PEAR1: variants seen among roughly 807,000 people sequenced by gnomAD.
PEAR1 encodes multiple EGF-like domains protein 12.
In PEAR1, 113 loss-of-function variants were observed where a neutral mutation model predicts 131.2. The ratio of observed to expected loss-of-function variants is 0.86; its 90% CI spans 0.74 to 1.01. PEAR1 has a LOEUF of 1.01. Among genes scored for constraint, PEAR1 ranks in the 50% least tolerant of loss-of-function variants. The pLI, the probability that PEAR1 is intolerant of heterozygous loss-of-function variation, is 0.00. For synonymous variants in PEAR1, 565 were observed against 523.3 expected (o/e 1.08, Z -1.09); for missense variants, 1,408 against 1,391.1 (o/e 1.01, Z -0.19).
At position 156,908,248 on chromosome 1, in the gene PEAR1, T is replaced by C. The variant is rs1558136758; in HGVS notation, c.1023T>C (p.Thr341=). Residue 341 remains threonine, a synonymous_variant, in exon 9 of 23, where the codon ACT becomes ACC. Transcript: ENST00000292357. The surrounding 1 kb of genome is among the most constrained non-coding windows in gnomAD (Gnocchi z 4.2). ...NGACLCEHGF[T]GDRCTDRLCP... ...CATGTCTGTGCGAACACGGCTTCAC[T>C]GGGGACCGCTGCACGGATCGCCTCT... 2 of 1,598,266 alleles carry C rather than the reference T, an allele frequency of 1.3e-6. No homozygotes were observed. Among genetic ancestry groups the C allele is most frequent in the Non-Finnish European group, 1.7e-6 (2 of 1,176,768 alleles).
Position 156,907,593 on chromosome 1 carries a change from C to A in PEAR1, c.645-17C>A. On this transcript the variant is annotated splice_polypyrimidine_tract_variant and intron_variant, in intron 6 of 22. Transcript: ENST00000292357. ...ATTGCTTGTTTGCACATTGACTCCA[C>A]CCACTCTGTCCTGCAGCTGTGACGT... The A allele has an allele frequency of 1.3e-6, 2 of 1,599,468 alleles. No homozygotes were observed. Among genetic ancestry groups the A allele is most frequent in the Non-Finnish European group, 1.7e-6 (2 of 1,172,880 alleles).
chr1:156,908,929 C>G lies in PEAR1; in HGVS notation c.1304C>G (p.Ala435Gly). 2.5e-6 allele frequency: 4 copies of G among 1,613,730 alleles called. No homozygotes were observed. The African/African-American group carries it at 5.3e-5, about 21-fold the overall frequency. Residue 435 changes from alanine (A) to glycine (G), a missense_variant, in exon 11 of 23, where the codon GCT becomes GGT. By Grantham distance (60) the Ala-to-Gly change is moderately conservative. Transcript: ENST00000292357. This position sits in a 1 kb window ranked among gnomAD's most constrained non-coding sequence, Gnocchi z 4.2. ...CAPGYTGPHC[A>G]SLCPPDTYGV... ...ACCCTCTTTCAGGGCCCTCACTGTGCTAGTCTTTGTCCTCCTGACACCTAC... is the reference window on the plus strand; with the variant it reads ...ACCCTCTTTCAGGGCCCTCACTGTGGTAGTCTTTGTCCTCCTGACACCTAC...
At chr1:156,911,107 TTTTCTTTCTTC>T (rs1182393266) in intron 15 of PEAR1, among the ~76,000 whole-genome samples, 1 of 118,714 alleles carries the variant, frequency 8.4e-6, no homozygotes, top group Non-Finnish European at 1.7e-5. Context: ...TCTTTCTTTC[TTTTCTTTCTTC>T]TTTCTTTCTT....
rs910825108 is a variant in PEAR1 at position 156,911,119 on chromosome 1, T to G, written c.1951+376T>G. On this transcript the variant is annotated intron_variant, in intron 15 of 22. Transcript: ENST00000292357. ...CTTTCTTTCTTTCTTTTCTTTCTTC[T>G]TTCTTTCTTTCCTTTCTTTCTTTTC... is the stretch of plus-strand genomic sequence containing the variant. Among the ~76,000 whole-genome samples the G allele has an allele frequency of 1.2e-4, 17 of 140,266 alleles. 1 individual carries two copies. Among genetic ancestry groups the G allele is most frequent in the African/African-American group, 4.5e-4 (16 of 35,818 alleles). The allele number at this position is 140,266 out of a possible 152,430, so 92.0% of individuals were successfully genotyped here.
Position 156,906,261 on chromosome 1 carries a change from C to G in PEAR1, c.308-15C>G, listed in dbSNP as rs751499236. Reference sequence around the variant, plus strand: ...CAGGGGTGGACACATCTCACCACACCCATCTCTGTCCCAGCGCTCTGTGCC... The same window carrying G: ...CAGGGGTGGACACATCTCACCACACGCATCTCTGTCCCAGCGCTCTGTGCC... On this transcript the variant is annotated splice_polypyrimidine_tract_variant and intron_variant, in intron 4 of 22. Coordinates refer to ENST00000292357, the MANE Select transcript of PEAR1 (RefSeq NM_001080471.3). The G allele has an allele frequency of 5.1e-5, 82 of 1,612,726 alleles. 2 individuals carry two copies. In the South Asian group the frequency reaches 8.6e-4, roughly 17 times the overall value.
chr1:156,913,158 C>A lies in PEAR1; in HGVS notation c.2423-36C>A, dbSNP rs61813832. The A allele has an allele frequency of 3.8e-5, 61 of 1,600,952 alleles. 4 individuals are homozygous for A. The South Asian group carries it at 6.8e-4, about 18-fold the overall frequency. On this transcript the variant is annotated intron_variant, in intron 18 of 22. Transcript: ENST00000292357. ...ACAGCTCTCTTGGACTCCTGCCCAT[C>A]GCTGAGCTCACCCTGTGCTTGTGTC...
intron 1 of PEAR1, among the ~76,000 whole-genome samples, chr1:156,899,045 AGTCTGAG>A (rs567669158): frequency 1.5e-3 from 235 of 152,322 alleles, no homozygotes; most frequent in African/African-American, 5.4e-3. Flanking sequence ...AGCAGGCTCT[AGTCTGAG>A]GTCTGAGGTC....
At chr1:156,901,511 T>G (rs1031129751) in intron 1 of PEAR1, among the ~76,000 whole-genome samples, 2 of 152,210 alleles carry the variant, frequency 1.3e-5, no homozygotes, top group African/African-American at 2.4e-5. Context: ...CAACAAGTTT[T>G]GTCCATGCCA....
chr1:156,914,581 G>T (rs1169711430), intron 22 of PEAR1, 66 bp from the exon 23 acceptor site: 5 of 1,492,088 alleles, frequency 3.4e-6, no homozygotes, highest in Non-Finnish European at 4.6e-6. Flanking sequence ...AGTGCAGTGG[G>T]AGTGGAGGGA....
At position 156,913,874 on chromosome 1, in the gene PEAR1, C is replaced by CG. The variant is rs771737305; in HGVS notation, c.2740dup (p.Ala914GlyfsTer9). ...TAGGGCTCATCTCTGAAGAGGAGCTCGGGGCCAGTGTGGCTTCCCTGAGCA... is the reference window on the plus strand; with the variant it reads ...TAGGGCTCATCTCTGAAGAGGAGCTCGGGGGCCAGTGTGGCTTCCCTGAGCA... On this transcript the variant is annotated frameshift_variant, in exon 22 of 23. Transcript: ENST00000292357. LOFTEE classifies it high-confidence loss of function. 1 of 1,613,568 alleles carries CG rather than the reference C, an allele frequency of 6.2e-7. No individual in the cohort carries two copies.
intron 11 of PEAR1, among the ~76,000 whole-genome samples, 155 bp from the exon 12 acceptor site, chr1:156,909,596 C>CA (rs1650800548): frequency 6.6e-6 from 1 of 152,226 alleles, no homozygotes; most frequent in Admixed American, 6.5e-5. Flanking sequence ...TGCTCCGCAT[C>CA]AAATAACTCA....
At position 156,908,909 on chromosome 1, in the gene PEAR1, C is replaced by T; in HGVS notation, c.1291-7C>T. ...GCCGCCCCTCTCACCCGCTCACCCT[C>T]TTTCAGGGCCCTCACTGTGCTAGTC... On this transcript the variant is annotated splice_region_variant and splice_polypyrimidine_tract_variant and intron_variant, in intron 10 of 22. Transcript: ENST00000292357. The surrounding 1 kb of genome is among the most constrained non-coding windows in gnomAD (Gnocchi z 4.2). 2 of 1,612,924 alleles carry T rather than the reference C, an allele frequency of 1.2e-6. No homozygotes were observed. The highest frequency in any genetic ancestry group is 1.7e-6 in the Non-Finnish European group (2 of 1,179,932).
Position 156,914,056 on chromosome 1 carries a change from A to C in PEAR1, c.2918A>C (p.Gln973Pro). Residue 973 changes from glutamine to proline, a missense_variant, in exon 22 of 23, where the codon CAG (glutamine) becomes CCG (proline). Gln to Pro is a moderately conservative substitution (Grantham distance 76). Coordinates refer to ENST00000292357, the MANE Select transcript of PEAR1 (RefSeq NM_001080471.3). ...DSQRRRQPQP[Q>P]RDSGTYEQPS... is the part of the protein sequence containing the mutation. ...CAGAGGCGGCGGCAACCCCAGCCAC[A>C]GAGAGACAGTGGCACCTACGAGCAG... The C allele has an allele frequency of 6.2e-7, 1 of 1,608,120 alleles. No homozygotes were observed. Among genetic ancestry groups the C allele is most frequent in the Non-Finnish European group, 8.5e-7 (1 of 1,177,324 alleles).
chr1:156,905,362 C>T lies in PEAR1; in HGVS notation c.245C>T (p.Thr82Met), dbSNP rs192672356. The change falls in exon 4 of 23, where the codon ACG (threonine) becomes ATG (methionine). Residue 82 changes from threonine to methionine, a missense_variant. Coordinates refer to ENST00000292357, the MANE Select transcript of PEAR1 (RefSeq NM_001080471.3). Reference protein sequence around the residue: ...YRTVYRQVVKTDHRQRLQCCH... With the variant: ...YRTVYRQVVKMDHRQRLQCCH... ...ACCGTGTACCGTCAGGTGGTGAAGA[C>T]GGACCACCGCCAGCGCCTGCAGTGC... is the stretch of plus-strand genomic sequence containing the variant. 1.9e-3 allele frequency: 3,132 copies of T among 1,611,522 alleles called. 66 individuals carry two copies. The African/African-American group carries it at 0.036, about 19-fold the overall frequency.
At chr1:156,903,663 T>C (rs576169318) in intron 1 of PEAR1, among the ~76,000 whole-genome samples, 2 of 152,230 alleles carry the variant, frequency 1.3e-5, no homozygotes, top group East Asian at 3.9e-4. Context: ...GAACTAGACC[T>C]TGAAAGATGG....
In PEAR1 at chr1:156,908,134, G is replaced by A; in HGVS notation, c.909G>A (p.Arg303=). The A allele has an allele frequency of 6.3e-7, 1 of 1,598,086 alleles. No homozygotes were observed. The highest frequency in any genetic ancestry group is 1.3e-5 in the African/African-American group (1 of 74,858). The part of the protein sequence containing the change: ...CAPGYTGDRC[R]EECPVGRFGQ... ...CACTCAGCTAGGTGCCCAGGTGCCG[G>A]GAGGAGTGCCCGGTGGGCCGCTTTG... Residue 303 remains arginine (R), a synonymous_variant, in exon 9 of 23, where the codon CGG becomes CGA. Coordinates refer to ENST00000292357, the MANE Select transcript of PEAR1 (RefSeq NM_001080471.3). The surrounding 1 kb of genome is among the most constrained non-coding windows in gnomAD (Gnocchi z 4.2).
chr1:156,905,573 G>T, intron 4 of PEAR1, 149 bp downstream of exon 4: 1 of 677,416 alleles, frequency 1.5e-6, no homozygotes. Flanking sequence ...CCCTGGCCTT[G>T]TCCCCAGGAT....
chr1:156,902,919 T>A lies in PEAR1; in HGVS notation c.-9-999T>A, dbSNP rs144019311. Among the ~76,000 whole-genome samples, 833 of 152,162 alleles carry A rather than the reference T, an allele frequency of 5.5e-3. 6 individuals are homozygous for A. The highest frequency in any genetic ancestry group is 0.011 in the Admixed American group (174 of 15,296). ...TTTCCGAATGGCTGACAGGGCAGTCTGAGGGAGGCGGGAGCTTTTCCTTAA... is the reference window on the plus strand; with the variant it reads ...TTTCCGAATGGCTGACAGGGCAGTCAGAGGGAGGCGGGAGCTTTTCCTTAA... On this transcript the variant is annotated intron_variant, in intron 1 of 22. Transcript: ENST00000292357. The surrounding 1 kb of genome is among the most constrained non-coding windows in gnomAD (Gnocchi z 4.3).
At position 156,904,869 on chromosome 1, in the gene PEAR1, C is replaced by T; in HGVS notation, c.206+17C>T. The T allele has an allele frequency of 6.2e-7, 1 of 1,613,926 alleles. No individual in the cohort carries two copies. The highest frequency in any genetic ancestry group is 8.5e-7 in the Non-Finnish European group (1 of 1,179,864). On this transcript the variant is annotated intron_variant, in intron 3 of 22. Transcript: ENST00000292357. ...CCAGCCCACGTGAGTGCTCCTCATCCTCCATGGGTGGATGGGCTACCTGAG... is the reference window on the plus strand; with the variant it reads ...CCAGCCCACGTGAGTGCTCCTCATCTTCCATGGGTGGATGGGCTACCTGAG...
Sources: gnomAD v4.1 joint callset for allele counts (sites outside exome capture counted in the v4.1 genomes callset) on GRCh38, gnomAD v4.1.1 for gene constraint, Gnocchi (gnomAD v3.1) non-coding constraint, MANE v1.5 for transcripts, NCBI Gene and HGNC (gene_info 2026-07-23, HGNC 2026-07-21) for gene names.